Variants in ALDH2 observed in about 807,000 individuals in gnomAD.
ALDH2 encodes the protein aldehyde dehydrogenase 2 family member.
ALDH2 carries 44 observed loss-of-function variants against 59.6 expected under a neutral mutation model. The observed-to-expected ratio is 0.74, with a 90% CI of 0.58 to 0.95. The LOEUF (loss-of-function observed/expected upper bound fraction) is 0.95. ALDH2 is among the 40% of genes least tolerant of loss of function. The pLI, the probability that ALDH2 is intolerant of heterozygous loss-of-function variation, is 0.00. For synonymous variants in ALDH2, 291 were observed against 284.0 expected (o/e 1.02, Z -0.25); for missense variants, 570 against 696.3 (o/e 0.82, Z 2.04).
rs2068542475 is a variant in ALDH2, at chr12:111,812,421, G to A, written c.*2846G>A. On this transcript the variant is annotated 3_prime_UTR_variant, in exon 13 of 13. Coordinates refer to ENST00000261733, the MANE Select transcript of ALDH2 (RefSeq NM_000690.4). ...GCTTGCCGCCCACAGCCAACAATGT[G>A]TTTTCAATATGCTCCCCAAACTACA... 1 of 152,150 alleles carries A rather than the reference G, an allele frequency of 6.6e-6. No homozygotes were observed. The highest frequency in any genetic ancestry group is 2.4e-5 in the African/African-American group (1 of 41,420). The allele number at this position is 152,150 out of a possible 1,614,324, so 9.4% of individuals were successfully genotyped here.
At chr12:111,786,036 C>A (rs2068306065) in intron 4 of ALDH2, among the ~76,000 whole-genome samples, 1 of 152,112 alleles carries the variant, frequency 6.6e-6, no homozygotes, top group African/African-American at 2.4e-5. Context: ...TGGGTCTTCT[C>A]TCTGTTTCTT....
intron 1 of ALDH2, among the ~76,000 whole-genome samples, chr12:111,780,388 G>C (rs565151615): frequency 6.6e-6 from 1 of 152,250 alleles, no homozygotes; most frequent in East Asian, 1.9e-4. Flanking sequence ...CCCTGACCCC[G>C]TTTTTTATCA....
At chr12:111,785,195 C>A in intron 3 of ALDH2, 72 bp from the exon 4 acceptor site, 4 of 1,261,576 alleles carry the variant, frequency 3.2e-6, no homozygotes, top group Non-Finnish European at 4.7e-6. Flanking sequence ...CCAGCCTTGG[C>A]GCCCTCTGTC....
chr12:111,767,176 T>G, intron 1 of ALDH2, 80 bp downstream of exon 1: 1 of 1,159,494 alleles, frequency 8.6e-7, no homozygotes, highest in Non-Finnish European at 1.2e-6. Flanking sequence ...CGCGCCGCCG[T>G]GGGCCTTAGT....
At chr12:111,785,603 A>AG (rs1814358942) in intron 4 of ALDH2, among the ~76,000 whole-genome samples, 1 of 152,106 alleles carries the variant, frequency 6.6e-6, no homozygotes, top group Non-Finnish European at 1.5e-5. Context: ...GCACACCTGT[A>AG]ATACCAGCTA....
At chr12:111,801,009 A>G (rs1344060007) in intron 11 of ALDH2, among the ~76,000 whole-genome samples, 3 of 152,240 alleles carry the variant, frequency 2.0e-5, no homozygotes, top group Non-Finnish European at 4.4e-5. Flanking sequence ...AAGTAGCTGT[A>G]TGAGTCTGTT....
At chr12:111,794,762 C>T (rs574661718) in intron 9 of ALDH2, among the ~76,000 whole-genome samples, 1 of 152,258 alleles carries the variant, frequency 6.6e-6, no homozygotes, top group South Asian at 2.1e-4. Context: ...CCACCTCAGC[C>T]TCCCAAAGTC....
At position 111,791,321 on chromosome 12, in the gene ALDH2, G is replaced by T; in HGVS notation, c.697G>T (p.Gly233Cys). 1 of 1,613,914 alleles carries T rather than the reference G, an allele frequency of 6.2e-7. No homozygotes were observed. The highest frequency in any genetic ancestry group is 1.7e-5 in the Admixed American group (1 of 60,002). Residue 233 changes from glycine to cysteine, a missense_variant, in exon 7 of 13, where the codon GGT (glycine) becomes TGT (cysteine). Physicochemically the swap from Gly to Cys is radical, Grantham distance 159. Coordinates refer to ENST00000261733, the MANE Select transcript of ALDH2 (RefSeq NM_000690.4). ...TTGCTCACAGGCTGGCTTTCCCCCT[G>T]GTGTGGTCAACATTGTGCCTGGATT... is the stretch of plus-strand genomic sequence containing the variant. Reference protein sequence around the residue: ...NLIKEAGFPPGVVNIVPGFGP... With the variant: ...NLIKEAGFPPCVVNIVPGFGP...
intron 1 of ALDH2, among the ~76,000 whole-genome samples, chr12:111,772,297 G>A (rs528041629): frequency 1.3e-5 from 2 of 152,180 alleles, no homozygotes; most frequent in Non-Finnish European, 2.9e-5. Flanking sequence ...GTGTTTTGGA[G>A]TGACTTTGTG....
chr12:111,785,355 T>G lies in ALDH2; in HGVS notation c.440+9T>G, dbSNP rs374472479. ...GTCCTCAAATGTCTCCGGTATGGGCTCAGCTTTCCTGTTCTTTGTTCTGGC... is the reference window on the plus strand; with the variant it reads ...GTCCTCAAATGTCTCCGGTATGGGCGCAGCTTTCCTGTTCTTTGTTCTGGC... On this transcript the variant is annotated intron_variant, in intron 4 of 12. Coordinates refer to ENST00000261733, the MANE Select transcript of ALDH2 (RefSeq NM_000690.4). 92 of 1,610,122 alleles carry G rather than the reference T, an allele frequency of 5.7e-5. No homozygotes were observed. The highest frequency in any genetic ancestry group is 1.1e-5 in the Non-Finnish European group (13 of 1,176,480).
intron 1 of ALDH2, among the ~76,000 whole-genome samples, chr12:111,775,268 G>C (rs1353636210): frequency 6.6e-6 from 1 of 151,992 alleles, no homozygotes; most frequent in Non-Finnish European, 1.5e-5. Context: ...CGAGCCCCCC[G>C]CTCTCCCCTC....
chr12:111,788,995 AC>A, intron 4 of ALDH2, among the ~76,000 whole-genome samples: 1 of 145,804 alleles, frequency 6.9e-6, no homozygotes, highest in South Asian at 2.2e-4. Flanking sequence ...ACTGAGCAAG[AC>A]CCTGTTTCTT....
intron 1 of ALDH2, among the ~76,000 whole-genome samples, chr12:111,770,857 G>A (rs925652098): frequency 6.6e-6 from 1 of 152,032 alleles, no homozygotes; most frequent in Non-Finnish European, 1.5e-5. Context: ...ATGTTGGCCA[G>A]GCTGGCTGGT....
intron 1 of ALDH2, among the ~76,000 whole-genome samples, chr12:111,774,005 C>T (rs34083959): frequency 0.015 from 2,359 of 152,204 alleles, 71 homozygotes; most frequent in African/African-American, 0.053. Flanking sequence ...AACATGGGGA[C>T]GCATAGGGAG....
Position 111,792,669 on chromosome 12 carries a change from C to A in ALDH2, c.970C>A (p.Arg324=). ...GGGCCAGTGCTGCTGTGCCGGCTCCCGGACCTTCGTGCAGGAGGACATCTA... is the reference window on the plus strand; with the variant it reads ...GGGCCAGTGCTGCTGTGCCGGCTCCAGGACCTTCGTGCAGGAGGACATCTA... ...NQGQCCCAGS[R]TFVQEDIYDE... is the part of the protein sequence containing the mutation. Residue 324 remains arginine, a synonymous_variant, in exon 9 of 13, where the codon CGG becomes AGG. Transcript: ENST00000261733. The A allele has an allele frequency of 6.2e-7, 1 of 1,611,338 alleles. No homozygotes were observed. The highest frequency in any genetic ancestry group is 8.5e-7 in the Non-Finnish European group (1 of 1,179,100).
chr12:111,773,486 G>A (rs1018527171), intron 1 of ALDH2, among the ~76,000 whole-genome samples: 1 of 152,172 alleles, frequency 6.6e-6, no homozygotes, highest in African/African-American at 2.4e-5. Context: ...CCTCTACTGA[G>A]GACTTCTACC....
rs146945498 is a variant in ALDH2, at chr12:111,799,040, T to G, written c.1248+798T>G. ...TAGCCACGCCTGGCTAATTTTTGTATTTTTAGTAAAGACAGGGTTTCACCA... is the reference window on the plus strand; with the variant it reads ...TAGCCACGCCTGGCTAATTTTTGTAGTTTTAGTAAAGACAGGGTTTCACCA... On this transcript the variant is annotated intron_variant, in intron 10 of 12. Transcript: ENST00000261733. Among the ~76,000 whole-genome samples, 364 of 152,196 alleles carry G rather than the reference T, an allele frequency of 2.4e-3. 3 individuals carry two copies. The highest frequency in any genetic ancestry group is 6.8e-3 in the Middle Eastern group (2 of 294).
chr12:111,780,601 C>T (rs568159938), intron 1 of ALDH2, among the ~76,000 whole-genome samples: 1 of 152,292 alleles, frequency 6.6e-6, no homozygotes, highest in Admixed American at 6.5e-5. Context: ...CCTACCACCA[C>T]GGCTGGAGTT....
intron 11 of ALDH2, among the ~76,000 whole-genome samples, chr12:111,802,663 G>A (rs1237134206): frequency 5.9e-5 from 9 of 151,374 alleles, no homozygotes; most frequent in Non-Finnish European, 1.3e-4. Flanking sequence ...GGCGGATCAC[G>A]AGGTCAGAAG....
Sources: allele counts gnomAD v4.1 joint callset (sites outside exome capture counted in the v4.1 genomes callset), GRCh38; gene constraint gnomAD v4.1.1; transcripts MANE v1.5; gene names NCBI Gene and HGNC (gene_info 2026-07-23, HGNC 2026-07-21).